The following C11orf65 variants were observed in gnomAD, a reference collection of about 807,000 sequenced individuals.
The protein encoded by C11orf65 is chromosome 11 open reading frame 65.
C11orf65 carries 38 observed loss-of-function variants against 35.3 expected under a neutral mutation model. The observed-to-expected ratio is 1.08, with a 90% CI of 0.83 to 1.41. C11orf65 has a LOEUF of 1.41. Ranked by LOEUF, C11orf65 falls within the 40% of genes most tolerant of loss-of-function variation. The pLI, the probability that C11orf65 is intolerant of heterozygous loss-of-function variation, is 0.00. For missense variants in C11orf65, 370 were observed against 367.1 expected, an observed-to-expected ratio of 1.01 and a Z score of -0.06; for synonymous variants, 105 against 114.4, an observed-to-expected ratio of 0.92 and a Z score of 0.53.
chr11:108,461,639 T>G lies in C11orf65; in HGVS notation c.-9-71A>C, dbSNP rs568297742. 9.6e-6 allele frequency: 10 copies of G among 1,047,072 alleles called. No individual in the cohort carries two copies. The African/African-American group carries it at 1.6e-4, about 17-fold the overall frequency. The allele number at this position is 1,047,072 out of a possible 1,614,324, so 64.9% of individuals were successfully genotyped here. ...TTACTTTCATTTTTATTTATTTATTTTTTTTAGAGACACATTCTTGCTCTG... is the reference window on the plus strand; with the variant it reads ...TTACTTTCATTTTTATTTATTTATTGTTTTTAGAGACACATTCTTGCTCTG... On this transcript the variant is annotated intron_variant, in intron 1 of 8. Coordinates refer to ENST00000393084, the MANE Select transcript of C11orf65 (RefSeq NM_152587.5).
chr11:108,356,705 C>T (rs1446409866), intron 2 of C11orf65, among the ~76,000 whole-genome samples: 2 of 152,130 alleles, frequency 1.3e-5, no homozygotes, highest in Admixed American at 1.3e-4. Flanking sequence ...TAACACTCAC[C>T]AGAAGAAGGT....
At position 108,407,085 on chromosome 11, in the gene C11orf65, T is replaced by C; in HGVS notation, c.228+11A>G. ...TTTATAACTACTAAATAAGCATTCA[T>C]CCATACTTACTCCACCTAATCTGAA... On this transcript the variant is annotated intron_variant, in intron 4 of 8. Transcript: ENST00000393084. 6.2e-7 allele frequency: 1 copy of C among 1,607,910 alleles called. No individual in the cohort carries two copies. The highest frequency in any genetic ancestry group is 8.5e-7 in the Non-Finnish European group (1 of 1,175,068).
At chr11:108,310,615 C>T (rs1565490754) in intron 6 of C11orf65, among the ~76,000 whole-genome samples, 1 of 152,056 alleles carries the variant, frequency 6.6e-6, no homozygotes, top group African/African-American at 2.4e-5. Context: ...GCATTGAGAA[C>T]TTAATTTAAG....
chr11:108,431,708 A>C (rs1449207878), intron 3 of C11orf65, 38 bp downstream of exon 3: 12 of 1,110,804 alleles, frequency 1.1e-5, no homozygotes, highest in Non-Finnish European at 1.5e-5. Flanking sequence ...ATTTTATGGA[A>C]AAATATAGGA....
At chr11:108,431,666 T>A in intron 3 of C11orf65, 80 bp downstream of exon 3, 1 of 731,280 alleles carries the variant, frequency 1.4e-6, no homozygotes, top group Non-Finnish European at 2.1e-6. Context: ...GAAACAAATA[T>A]GATGAGCACA....
intron 2 of C11orf65, among the ~76,000 whole-genome samples, chr11:108,344,169 GTGT>G (rs1483535625): frequency 6.6e-6 from 1 of 152,130 alleles, no homozygotes; most frequent in Non-Finnish European, 1.5e-5. Flanking sequence ...AGTGCTATAG[GTGT>G]TGTGATGGAA....
chr11:108,415,646 T>C (rs748416377), intron 3 of C11orf65, among the ~76,000 whole-genome samples: 3 of 152,154 alleles, frequency 2.0e-5, no homozygotes, highest in Non-Finnish European at 4.4e-5. Flanking sequence ...AGACCCAGAA[T>C]AGCCACTATA....
chr11:108,408,674 T>TAAATAAAATAAAATAAAATA (rs74198402), intron 3 of C11orf65, among the ~76,000 whole-genome samples: 10 of 76,560 alleles, frequency 1.3e-4, no homozygotes, highest in Non-Finnish European at 1.8e-4. Context: ...TCTGTCTCAA[T>TAAATAAAATAAAATAAAATA]AAATAAAATA....
intron 6 of C11orf65, among the ~76,000 whole-genome samples, chr11:108,405,225 T>C (rs1565654153): frequency 6.6e-6 from 1 of 152,160 alleles, no homozygotes; most frequent in Admixed American, 6.5e-5. Flanking sequence ...TCTCTTGGTG[T>C]GTAGGCGGTT....
At chr11:108,428,956 G>A (rs1362189917) in intron 3 of C11orf65, among the ~76,000 whole-genome samples, 1 of 152,098 alleles carries the variant, frequency 6.6e-6, no homozygotes, top group Non-Finnish European at 1.5e-5. Flanking sequence ...AGACGAGCCT[G>A]CGTAACCTAG....
At chr11:108,361,463 G>A (rs566165112) in intron 2 of C11orf65, among the ~76,000 whole-genome samples, 5 of 151,858 alleles carry the variant, frequency 3.3e-5, no homozygotes, top group Admixed American at 2.6e-4. Flanking sequence ...AGTTCATATG[G>A]AACCAAAAAA....
At chr11:108,325,566 G>A (rs2136320254) in intron 6 of C11orf65, 13 of 1,552,822 alleles carry the variant, frequency 8.4e-6, no homozygotes, top group Non-Finnish European at 1.1e-5. Context: ...TTAAAACTAT[G>A]TCATCTTACC....
chr11:108,336,860 A>T (rs1223704415), intron 2 of C11orf65, among the ~76,000 whole-genome samples: 1 of 152,100 alleles, frequency 6.6e-6, no homozygotes, highest in Non-Finnish European at 1.5e-5. Flanking sequence ...TTATTCATTT[A>T]ACCAGTTTAG....
chr11:108,336,103 C>T, intron 2 of C11orf65: 1 of 654,296 alleles, frequency 1.5e-6, no homozygotes, highest in Non-Finnish European at 2.7e-6. Context: ...TCGAGACCAG[C>T]CTCAGCAACA....
At chr11:108,454,009 C>T (rs1438450249) in intron 2 of C11orf65, among the ~76,000 whole-genome samples, 1 of 152,164 alleles carries the variant, frequency 6.6e-6, no homozygotes, top group East Asian at 1.9e-4. Context: ...TAGAATTCAA[C>T]AGCAAGGTCA....
rs2137021914 is a variant in C11orf65 at position 108,345,727 on chromosome 11, T to C, written c.227-10435A>G. ...CACAATATTGAAAAATAATTATATA[T>C]ATTCTCTATTTAAAGGAGGTGCAAA... On this transcript the variant is annotated intron_variant, in intron 2 of 3. Transcript: ENST00000524755. 3 of 1,540,510 alleles carry C rather than the reference T, an allele frequency of 1.9e-6. No individual in the cohort carries two copies. Among genetic ancestry groups the C allele is most frequent in the Non-Finnish European group, 1.8e-6 (2 of 1,124,074 alleles).
At chr11:108,357,720 C>G (rs914537221) in intron 2 of C11orf65, among the ~76,000 whole-genome samples, 26 of 152,272 alleles carry the variant, frequency 1.7e-4, no homozygotes, top group African/African-American at 5.8e-4. Flanking sequence ...TCCAACAGAC[C>G]TGCAGCTGAG....
intron 2 of C11orf65, among the ~76,000 whole-genome samples, chr11:108,357,005 G>A (rs947975369): frequency 5.3e-5 from 8 of 152,230 alleles, no homozygotes; most frequent in East Asian, 1.9e-4. Flanking sequence ...GCAGAAGACA[G>A]GTGATTTCTG....
intron 1 of C11orf65, among the ~76,000 whole-genome samples, chr11:108,464,555 T>C (rs1381085022): frequency 6.6e-6 from 1 of 152,052 alleles, no homozygotes; most frequent in Non-Finnish European, 1.5e-5. Context: ...AGAGATGGGG[T>C]TTCACCATGT....
Sources: allele counts gnomAD v4.1 joint callset (sites outside exome capture counted in the v4.1 genomes callset), GRCh38; gene constraint gnomAD v4.1.1; transcripts MANE v1.5; gene names NCBI Gene and HGNC (gene_info 2026-07-23, HGNC 2026-07-21).